Variants in PCSK2 observed in about 807,000 individuals in gnomAD.
PCSK2 encodes proprotein convertase subtilisin/kexin type 2, also known as neuroendocrine convertase 2.
PCSK2 carries 14 observed loss-of-function variants against 69.7 expected under a neutral mutation model. The observed-to-expected ratio is 0.20, with a 90% CI of 0.13 to 0.31. The LOEUF (loss-of-function observed/expected upper bound fraction) is 0.31, where lower values mean the gene tolerates loss of function less well. PCSK2 is among the 10% of genes least tolerant of loss of function. The pLI, the probability that PCSK2 is intolerant of heterozygous loss-of-function variation, is 1.00. For synonymous variants in PCSK2, 307 were observed against 320.7 expected (o/e 0.96, Z 0.46); for missense variants, 544 against 842.5 (o/e 0.65, Z 4.39).
In PCSK2 at chr20:17,256,876, G is replaced by A. The variant is rs115756559; in HGVS notation, c.178-3364G>A. Among the ~76,000 whole-genome samples the A allele has an allele frequency of 8.3e-3, 1,264 of 152,060 alleles. 14 individuals carry two copies. The highest frequency in any genetic ancestry group is 0.028 in the African/African-American group (1,152 of 41,460). On this transcript the variant is annotated intron_variant, in intron 1 of 11. Transcript: ENST00000262545. ...TATGAGTAAAAACATGCAGTGCTTG[G>A]CTTTTTGTTCCTCTGTTAGTTGACT...
chr20:17,345,785 T>A (rs966917505), intron 2 of PCSK2, among the ~76,000 whole-genome samples: 1 of 151,794 alleles, frequency 6.6e-6, no homozygotes, highest in South Asian at 2.1e-4. Context: ...TTCAGGAGAG[T>A]CATGACTTTG....
At chr20:17,392,715 G>T (rs1452802916) in intron 5 of PCSK2, among the ~76,000 whole-genome samples, 1 of 152,120 alleles carries the variant, frequency 6.6e-6, no homozygotes, top group Non-Finnish European at 1.5e-5. Flanking sequence ...GCTTTTTCAA[G>T]CATTTATTCT....
intron 11 of PCSK2, among the ~76,000 whole-genome samples, chr20:17,475,195 T>TG (rs984422840): frequency 4.0e-5 from 6 of 151,764 alleles, no homozygotes; most frequent in Non-Finnish European, 7.4e-5. Context: ...TTGTCCCGCT[T>TG]GGGGGCAGGA....
In PCSK2 at chr20:17,437,914, C is replaced by T. The variant is rs147318005; in HGVS notation, c.885+1031C>T. ...TTCTGATGCATCCATCTACTTGCCA[C>T]GCGTGGCACAGCTCCCACCCCTAGG... On this transcript the variant is annotated intron_variant, in intron 8 of 11. Coordinates refer to ENST00000262545, the MANE Select transcript of PCSK2 (RefSeq NM_002594.5). 4.5e-4 allele frequency among the ~76,000 whole-genome samples: 68 copies of T among 152,302 alleles called. No individual in the cohort carries two copies. The East Asian group carries it at 0.012, about 27-fold the overall frequency.
chr20:17,246,809 A>T (rs1317271633), intron 1 of PCSK2, among the ~76,000 whole-genome samples: 1 of 152,120 alleles, frequency 6.6e-6, no homozygotes, highest in Non-Finnish European at 1.5e-5. Flanking sequence ...TTGAAAAAAA[A>T]AAAGTGGTTT....
chr20:17,239,069 C>T (rs1242881145), intron 1 of PCSK2, among the ~76,000 whole-genome samples: 4 of 152,132 alleles, frequency 2.6e-5, no homozygotes, highest in Non-Finnish European at 4.4e-5. Context: ...TATTTAGTGC[C>T]TGTGTTAAGT....
At chr20:17,348,274 G>C (rs881659) in intron 2 of PCSK2, among the ~76,000 whole-genome samples, 19 of 152,110 alleles carry the variant, frequency 1.2e-4, no homozygotes, top group African/African-American at 4.1e-4. Context: ...AGTTAGCTAA[G>C]AGCAAGAAGA....
At chr20:17,457,963 G>A (rs1445615653) in intron 10 of PCSK2, among the ~76,000 whole-genome samples, 1 of 152,190 alleles carries the variant, frequency 6.6e-6, no homozygotes, top group Non-Finnish European at 1.5e-5. Flanking sequence ...GGGGGAGTGA[G>A]GCTGCTGGAC....
intron 6 of PCSK2, among the ~76,000 whole-genome samples, chr20:17,425,029 G>A (rs1327275188): frequency 6.6e-6 from 1 of 151,990 alleles, no homozygotes; most frequent in East Asian, 1.9e-4. Flanking sequence ...GCCCACCTTG[G>A]CCTCCCAAAG....
chr20:17,399,275 C>T (rs2031583904), intron 5 of PCSK2, among the ~76,000 whole-genome samples: 2 of 152,152 alleles, frequency 1.3e-5, no homozygotes. Context: ...GAGTCAAAGC[C>T]ACAAATTTTC....
intron 11 of PCSK2, among the ~76,000 whole-genome samples, chr20:17,472,222 G>T (rs1181496812): frequency 1.3e-5 from 2 of 152,210 alleles, no homozygotes; most frequent in Non-Finnish European, 2.9e-5. Flanking sequence ...GCTCCTTTAA[G>T]GCTGTGCCAA....
At chr20:17,226,206 T>C (rs1343872878), upstream of PCSK2, 2 of 152,168 alleles carry the variant, frequency 1.3e-5, no homozygotes, top group Non-Finnish European at 2.9e-5. Context: ...TGAAGGCAGA[T>C]CTTGGAGGTG....
chr20:17,294,091 G>A (rs1014095100), intron 2 of PCSK2, among the ~76,000 whole-genome samples: 67 of 130,974 alleles, frequency 5.1e-4, no homozygotes, highest in African/African-American at 1.8e-3. Context: ...CTTGTATAAA[G>A]TATTTTCTTT....
In PCSK2 at chr20:17,319,935, A is replaced by G. The variant is rs76025196; in HGVS notation, c.283-38392A>G. ...ATGAAGGTATTGGCAAGCATCTGGA[A>G]TCACTGATATAGTAGTTTCACTTAA... On this transcript the variant is annotated intron_variant, in intron 2 of 11. Transcript: ENST00000262545. Among the ~76,000 whole-genome samples the G allele has an allele frequency of 4.5e-4, 69 of 152,314 alleles. No homozygotes were observed. In the East Asian group the frequency reaches 0.013, roughly 28 times the overall value.
intron 10 of PCSK2, among the ~76,000 whole-genome samples, chr20:17,460,090 G>A (rs1481639678): frequency 1.3e-5 from 2 of 152,196 alleles, no homozygotes; most frequent in African/African-American, 4.8e-5. Context: ...AGGGAATCCA[G>A]CTCTTTCTAG....
intron 10 of PCSK2, among the ~76,000 whole-genome samples, chr20:17,463,092 G>A (rs554376234): frequency 6.6e-6 from 1 of 152,204 alleles, no homozygotes; most frequent in South Asian, 2.1e-4. Context: ...TATCTCAAAA[G>A]TGAAAAGTTC....
chr20:17,373,221 T>C (rs145725636), intron 5 of PCSK2, among the ~76,000 whole-genome samples: 63 of 152,276 alleles, frequency 4.1e-4, no homozygotes, highest in African/African-American at 1.3e-3. Flanking sequence ...GAAAGGTAGC[T>C]TGTAAACGGG....
At chr20:17,352,602 G>A (rs980948761) in intron 2 of PCSK2, among the ~76,000 whole-genome samples, 21 of 152,138 alleles carry the variant, frequency 1.4e-4, no homozygotes, top group Admixed American at 2.6e-4. Flanking sequence ...ATGGGAAAAG[G>A]GCTTTTTATT....
chr20:17,480,054 C>A (rs2033367441), intron 11 of PCSK2, among the ~76,000 whole-genome samples: 1 of 152,010 alleles, frequency 6.6e-6, no homozygotes, highest in Non-Finnish European at 1.5e-5. Context: ...AAGGAGATTG[C>A]CTGTAAGGAC....
Sources: allele counts gnomAD v4.1 joint callset (sites outside exome capture counted in the v4.1 genomes callset), GRCh38; gene constraint gnomAD v4.1.1; transcripts MANE v1.5; gene names NCBI Gene and HGNC (gene_info 2026-07-23, HGNC 2026-07-21).